Variants in HS6ST3 observed in about 807,000 individuals in gnomAD.
The protein encoded by HS6ST3 is heparan-sulfate 6-O-sulfotransferase 3.
Under a neutral mutation model 36.7 loss-of-function variants are expected in HS6ST3, and 12 were observed. The ratio of observed to expected loss-of-function variants is 0.33; its 90% CI spans 0.21 to 0.53. HS6ST3 has a LOEUF of 0.53. HS6ST3 is among the 20% of genes least tolerant of loss of function. The probability of loss-of-function intolerance (pLI) is 0.95; values close to 1 mark genes in which losing one functional copy is unlikely to be tolerated. For missense variants in HS6ST3, 584 were observed against 640.9 expected (o/e 0.91, Z 0.96); for synonymous variants, 240 against 257.5 (o/e 0.93, Z 0.65).
chr13:96,159,784 C>G (rs2054127615), intron 1 of HS6ST3, among the ~76,000 whole-genome samples: 2 of 152,184 alleles, frequency 1.3e-5, no homozygotes, highest in Non-Finnish European at 2.9e-5. Context: ...GGAGTTCAAT[C>G]TGATAATAAG....
chr13:96,212,618 T>C (rs1300934177), intron 1 of HS6ST3, among the ~76,000 whole-genome samples: 1 of 152,108 alleles, frequency 6.6e-6, no homozygotes, highest in Admixed American at 6.6e-5. Context: ...GGTGGGAGGG[T>C]CACTTGAAGC....
chr13:96,758,216 A>G (rs528322312), intron 1 of HS6ST3, among the ~76,000 whole-genome samples: 2 of 152,016 alleles, frequency 1.3e-5, no homozygotes, highest in East Asian at 3.9e-4. Context: ...GTTGTCAATT[A>G]TTTTGCAATA....
intron 1 of HS6ST3, among the ~76,000 whole-genome samples, chr13:96,450,477 C>T (rs1486420031): frequency 6.6e-6 from 1 of 152,030 alleles, no homozygotes; most frequent in Non-Finnish European, 1.5e-5. Flanking sequence ...GTATTGAATA[C>T]AGACCCCTGC....
At chr13:96,427,422 CT>C (rs1378050141) in intron 1 of HS6ST3, 1 of 152,094 alleles carries the variant, frequency 6.6e-6, no homozygotes, top group Non-Finnish European at 1.5e-5. Flanking sequence ...TCAGGGAAGA[CT>C]TCACAATGAT....
intron 1 of HS6ST3, among the ~76,000 whole-genome samples, chr13:96,448,863 CACGTTAGCAGCCACAGA>C (rs2055712471): frequency 6.6e-6 from 1 of 152,154 alleles, no homozygotes; most frequent in South Asian, 2.1e-4. Context: ...TCATGCCCTG[CACGTTAGCAGCCACAGA>C]ATGAGCATAT....
chr13:96,106,051 G>T (rs949243231), intron 1 of HS6ST3, among the ~76,000 whole-genome samples: 4 of 152,194 alleles, frequency 2.6e-5, no homozygotes, highest in Admixed American at 2.0e-4. Flanking sequence ...TTGTAGAGCT[G>T]TATATAGAGG....
chr13:96,668,686 C>CTTTTTTTTT (rs146033180), intron 1 of HS6ST3, among the ~76,000 whole-genome samples: 28 of 58,938 alleles, frequency 4.8e-4, no homozygotes, highest in East Asian at 1.1e-3. Flanking sequence ...TAGTGCCAAC[C>CTTTTTTTTT]TTTTTTTTTT....
At chr13:96,392,602 T>C (rs1299000192) in intron 1 of HS6ST3, among the ~76,000 whole-genome samples, 1 of 152,138 alleles carries the variant, frequency 6.6e-6, no homozygotes, top group African/African-American at 2.4e-5. Flanking sequence ...GTGAATGAAG[T>C]TGAAATAGGG....
At chr13:96,580,193 C>CATATATATATATAT (rs3051282) in intron 1 of HS6ST3, among the ~76,000 whole-genome samples, 1 of 140,530 alleles carries the variant, frequency 7.1e-6, no homozygotes, top group African/African-American at 2.6e-5. Context: ...CCCATCCAGA[C>CATATATATATATAT]ATATATATAT....
At chr13:96,517,064 A>G (rs1389570223) in intron 1 of HS6ST3, among the ~76,000 whole-genome samples, 2 of 152,158 alleles carry the variant, frequency 1.3e-5, no homozygotes, top group Admixed American at 6.5e-5. Flanking sequence ...ACTTTCACCT[A>G]AATTCCATTG....
intron 1 of HS6ST3, among the ~76,000 whole-genome samples, chr13:96,438,167 G>T (rs988378904): frequency 6.6e-6 from 1 of 152,004 alleles, no homozygotes; most frequent in Non-Finnish European, 1.5e-5. Context: ...CTGTGTCCAG[G>T]GACTGATGTC....
At chr13:96,405,183 G>A (rs1267977374) in intron 1 of HS6ST3, among the ~76,000 whole-genome samples, 1 of 152,136 alleles carries the variant, frequency 6.6e-6, no homozygotes, top group East Asian at 1.9e-4. Flanking sequence ...GATCACCAGA[G>A]TAGCCAAAGT....
chr13:96,483,749 G>A (rs1283745828), intron 1 of HS6ST3, among the ~76,000 whole-genome samples: 1 of 152,108 alleles, frequency 6.6e-6, no homozygotes, highest in African/African-American at 2.4e-5. Context: ...ATCATACCCT[G>A]TGATCTCCAG....
chr13:96,340,067 A>G (rs1475958340), intron 1 of HS6ST3, among the ~76,000 whole-genome samples: 2 of 152,162 alleles, frequency 1.3e-5, no homozygotes, highest in Non-Finnish European at 2.9e-5. Flanking sequence ...ACTTTTTCAT[A>G]TTAATTTTTT....
intron 1 of HS6ST3, among the ~76,000 whole-genome samples, chr13:96,559,693 C>A (rs1309247916): frequency 6.6e-6 from 1 of 151,948 alleles, no homozygotes; most frequent in Non-Finnish European, 1.5e-5. Context: ...TTTTAAAAAG[C>A]ATTTTAAACA....
Position 96,836,791 on chromosome 13 carries a change from A to G in HS6ST3, c.*3593A>G, listed in dbSNP as rs1276346388. The G allele has an allele frequency of 6.6e-6, 1 of 152,238 alleles. No homozygotes were observed. Among genetic ancestry groups the G allele is most frequent in the African/African-American group, 2.4e-5 (1 of 41,462 alleles). 9.4% of individuals were successfully genotyped at this position (152,238 alleles called of 1,614,324 possible). A position where few individuals can be genotyped will look rare whatever the true frequency, so the allele number is the denominator to read the frequency against. ...TTTAACACAGAAATTCAAAATAGTG[A>G]CTTAACATGGAAGCTATTTCTCTCT... On this transcript the variant is annotated 3_prime_UTR_variant, in exon 2 of 2. Coordinates refer to ENST00000376705, the MANE Select transcript of HS6ST3 (RefSeq NM_153456.4).
rs116117983 is a variant in HS6ST3, at chr13:96,357,223, G to C, written c.707+265654G>C. Among the ~76,000 whole-genome samples the C allele has an allele frequency of 8.3e-3, 1,266 of 152,268 alleles. 22 individuals carry two copies. Among genetic ancestry groups the C allele is most frequent in the African/African-American group, 0.029 (1,210 of 41,564 alleles). On this transcript the variant is annotated intron_variant, in intron 1 of 1. Transcript: ENST00000376705. ...GACGATAAAACTGTTTCACCTTTTT[G>C]TCAATTGTGTGTCCACTGGAGTAGC...
At chr13:96,446,784 C>T (rs184273632) in intron 1 of HS6ST3, among the ~76,000 whole-genome samples, 198 of 152,244 alleles carry the variant, frequency 1.3e-3, no homozygotes, top group Non-Finnish European at 2.2e-3. Context: ...TCTAGGACTA[C>T]GCCCTCATTC....
chr13:96,291,012 G>A (rs914464050), intron 1 of HS6ST3, among the ~76,000 whole-genome samples: 2 of 152,166 alleles, frequency 1.3e-5, no homozygotes, highest in African/African-American at 2.4e-5. Flanking sequence ...TTACTCAGAA[G>A]CAACCTTTTC....
Sources: gnomAD v4.1 joint callset for allele counts (sites outside exome capture counted in the v4.1 genomes callset) on GRCh38, gnomAD v4.1.1 for gene constraint, MANE v1.5 for transcripts, NCBI Gene and HGNC (gene_info 2026-07-23, HGNC 2026-07-21) for gene names.